Variants in PTPRN2 observed in about 807,000 individuals in gnomAD.
The protein encoded by PTPRN2 is protein tyrosine phosphatase receptor type N2.
PTPRN2 carries 74 observed loss-of-function variants against 118.8 expected under a neutral mutation model. The observed-to-expected ratio is 0.62, with a 90% CI of 0.52 to 0.76. The LOEUF (loss-of-function observed/expected upper bound fraction) is 0.76, where lower values mean the gene tolerates loss of function less well. PTPRN2 is among the 30% of genes least tolerant of loss of function. The probability of loss-of-function intolerance (pLI) is 0.00; values close to 1 mark genes in which losing one functional copy is unlikely to be tolerated. For synonymous variants in PTPRN2, 641 were observed against 608.0 expected (o/e 1.05, Z -0.80); for missense variants, 1,481 against 1,394.4 (o/e 1.06, Z -0.99).
chr7:157,814,417 G>A (rs1206830831), intron 12 of PTPRN2, among the ~76,000 whole-genome samples: 1 of 152,008 alleles, frequency 6.6e-6, no homozygotes, highest in Non-Finnish European at 1.5e-5. Flanking sequence ...CAGGAGAACT[G>A]GCGCTCGACA....
At chr7:157,614,025 C>T (rs1802581993) in intron 15 of PTPRN2, 3 of 471,180 alleles carry the variant, frequency 6.4e-6, no homozygotes, top group African/African-American at 4.0e-5. Flanking sequence ...CCACAAGCAA[C>T]GGGATGCCTT....
chr7:158,184,118 A>C (rs1175910913), intron 5 of PTPRN2, among the ~76,000 whole-genome samples: 1 of 152,070 alleles, frequency 6.6e-6, no homozygotes, highest in East Asian at 1.9e-4. Flanking sequence ...CTTCTTTTGA[A>C]GAAGAAAATT....
At position 158,335,493 on chromosome 7, in the gene PTPRN2, G is replaced by A. The variant is rs551687220; in HGVS notation, c.164-18561C>T. ...GTCACCATAAGAGCTGATGCCTGCAGACGTCACTCACACCCACACTCTCAC... is the reference window on the plus strand; with the variant it reads ...GTCACCATAAGAGCTGATGCCTGCAAACGTCACTCACACCCACACTCTCAC... On this transcript the variant is annotated intron_variant, in intron 2 of 22. Transcript: ENST00000389418. Among the ~76,000 whole-genome samples, 8 of 51,732 alleles carry A rather than the reference G, an allele frequency of 1.5e-4. 2 individuals are homozygous for A. In the East Asian group the frequency reaches 4.7e-3, roughly 30 times the overall value. 33.9% of individuals were successfully genotyped at this position (51,732 alleles called of 152,430 possible).
At position 158,340,658 on chromosome 7, in the gene PTPRN2, G is replaced by GACATCACTCACACCCACAC. The variant is rs1806551158; in HGVS notation, c.164-23727_164-23726insGTGTGGGTGTGAGTGATGT. 9.2e-5 allele frequency among the ~76,000 whole-genome samples: 9 copies of GACATCACTCACACCCACAC among 97,580 alleles called. 1 individual carries two copies. The highest frequency in any genetic ancestry group is 3.2e-4 in the African/African-American group (8 of 25,144). 64.0% of individuals were successfully genotyped at this position (97,580 alleles called of 152,430 possible). On this transcript the variant is annotated intron_variant, in intron 2 of 22. Coordinates refer to ENST00000389418, the MANE Select transcript of PTPRN2 (RefSeq NM_002847.5). ...CTAGCCATAAGAGCTGACGCCCGCA[G>GACATCACTCACACCCACAC]ACGTCACTCACACCCACACTCTCAC...
At position 158,265,788 on chromosome 7, in the gene PTPRN2, G is replaced by A. The variant is rs146877614; in HGVS notation, c.277+51031C>T. Among the ~76,000 whole-genome samples, 1,138 of 152,314 alleles carry A rather than the reference G, an allele frequency of 7.5e-3. 17 individuals carry two copies. The highest frequency in any genetic ancestry group is 0.025 in the African/African-American group (1,057 of 41,568). The stretch of plus-strand genomic sequence containing the variant: ...CATGGTCCAGGCACACATCAAAGGC[G>A]GTGGCCAGAGGCCGCCTGGCTCCCC... On this transcript the variant is annotated intron_variant, in intron 3 of 22. Transcript: ENST00000389418.
At chr7:158,513,626 A>AGG (rs33916549) in intron 1 of PTPRN2, among the ~76,000 whole-genome samples, 14 of 82 alleles carry the variant, frequency 0.17, no homozygotes, top group Non-Finnish European at 0.25. Context: ...TATTATAGAC[A>AGG]GAGAGAGAAA....
chr7:157,827,369 A>ACAACG (rs1399709336), intron 12 of PTPRN2, among the ~76,000 whole-genome samples: 1 of 134,282 alleles, frequency 7.4e-6, no homozygotes, highest in African/African-American at 2.9e-5. Flanking sequence ...AGACCACAAC[A>ACAACG]CAACACAACA....
rs199935741 is a variant in PTPRN2, at chr7:157,716,394, C to T, written c.1789-33457G>A. On this transcript the variant is annotated intron_variant, in intron 12 of 22. Coordinates refer to ENST00000389418, the MANE Select transcript of PTPRN2 (RefSeq NM_002847.5). ...CAGACTCTGCAGGAACACTGCCTGG[C>T]CACACAGACTCTGCAGGAACACTGC... is the stretch of plus-strand genomic sequence containing the variant. Among the ~76,000 whole-genome samples the T allele has an allele frequency of 1.5e-4, 15 of 99,636 alleles. 1 individual carries two copies. Among genetic ancestry groups the T allele is most frequent in the East Asian group, 5.6e-4 (2 of 3,570 alleles). The allele number at this position is 99,636 out of a possible 152,430, so 65.4% of individuals were successfully genotyped here.
chr7:158,326,854 C>G (rs757695264), intron 2 of PTPRN2, among the ~76,000 whole-genome samples: 1 of 151,684 alleles, frequency 6.6e-6, no homozygotes, highest in Non-Finnish European at 1.5e-5. Flanking sequence ...TTCTCACACA[C>G]ATGCTCATTC....
intron 10 of PTPRN2, among the ~76,000 whole-genome samples, chr7:158,083,485 T>C (rs74530816): frequency 0.022 from 3,411 of 152,228 alleles, 131 homozygotes; most frequent in African/African-American, 0.078. Flanking sequence ...AACCTAATTT[T>C]TCCCTCACGT....
chr7:158,282,507 C>T (rs1441647118), intron 3 of PTPRN2, among the ~76,000 whole-genome samples: 1 of 152,134 alleles, frequency 6.6e-6, no homozygotes, highest in East Asian at 1.9e-4. Flanking sequence ...GCAGCGGGGT[C>T]GAGGCTGCGG....
chr7:157,576,897 G>A (rs1025681481), intron 18 of PTPRN2, 118 bp from the exon 19 acceptor site: 1 of 1,094,978 alleles, frequency 9.1e-7, no homozygotes, highest in Non-Finnish European at 1.3e-6. Context: ...TGCGAAGAGG[G>A]CACATTTTAC....
intron 14 of PTPRN2, among the ~76,000 whole-genome samples, chr7:157,636,363 T>A (rs1804317405): frequency 6.6e-6 from 1 of 152,200 alleles, no homozygotes; most frequent in African/African-American, 2.4e-5. Flanking sequence ...TTACCAAATA[T>A]CCTTTGTGTG....
At chr7:158,179,407 T>C (rs1212242059) in intron 5 of PTPRN2, among the ~76,000 whole-genome samples, 1 of 152,232 alleles carries the variant, frequency 6.6e-6, no homozygotes, top group Admixed American at 6.5e-5. Context: ...GTTGGTCCTT[T>C]GTCAGATGCA....
At chr7:157,927,262 CA>C (rs35525773) in intron 11 of PTPRN2, among the ~76,000 whole-genome samples, 1,537 of 48,976 alleles carry the variant, frequency 0.031, 6 homozygotes, top group Non-Finnish European at 0.044. Context: ...TCTGGGACCC[CA>C]AAGATAGGAA....
intron 12 of PTPRN2, among the ~76,000 whole-genome samples, chr7:157,843,273 C>CAT (rs1367989998): frequency 3.3e-5 from 5 of 152,184 alleles, no homozygotes; most frequent in African/African-American, 1.2e-4. Flanking sequence ...AATTGGTAAT[C>CAT]AGAAATCATA....
chr7:157,826,959 G>A (rs1029844592), intron 12 of PTPRN2, among the ~76,000 whole-genome samples: 1 of 152,138 alleles, frequency 6.6e-6, no homozygotes, highest in Non-Finnish European at 1.5e-5. Flanking sequence ...CTCCTGCACA[G>A]GACCCTCCAA....
intron 2 of PTPRN2, among the ~76,000 whole-genome samples, chr7:158,324,328 G>A (rs970744290): frequency 6.6e-6 from 1 of 152,216 alleles, no homozygotes; most frequent in Non-Finnish European, 1.5e-5. Flanking sequence ...AAGGATGTTA[G>A]TGAATGACTA....
intron 6 of PTPRN2, among the ~76,000 whole-genome samples, chr7:158,149,509 A>G (rs1292250830): frequency 6.6e-6 from 1 of 152,092 alleles, no homozygotes; most frequent in Non-Finnish European, 1.5e-5. Flanking sequence ...CTGATTTTTA[A>G]AAAGATAAGC....
Sources: allele counts gnomAD v4.1 joint callset (sites outside exome capture counted in the v4.1 genomes callset), GRCh38; gene constraint gnomAD v4.1.1; transcripts MANE v1.5; gene names NCBI Gene and HGNC (gene_info 2026-07-23, HGNC 2026-07-21).